Variants in LY75 observed in about 807,000 individuals in gnomAD.
The protein encoded by LY75 is C-type lectin domain family 13 member B.
A neutral mutation model predicts 231.7 loss-of-function variants in LY75; 185 were observed. The ratio of observed to expected loss-of-function variants is 0.80; its 90% CI spans 0.71 to 0.90. LY75 has a LOEUF of 0.90. Ranked by LOEUF, LY75 falls within the 40% of genes least tolerant of loss-of-function variation. The pLI is 0.00. For missense variants in LY75, 1,947 were observed against 2,050.2 expected (o/e 0.95, Z 0.97); for synonymous variants, 668 against 689.0 (o/e 0.97, Z 0.48).
intron 33 of LY75, 124 bp downstream of exon 33, chr2:159,808,325 G>A: frequency 6.5e-7 from 1 of 1,527,850 alleles, no homozygotes; most frequent in Non-Finnish European, 8.8e-7. Context: ...CAGCGACCTA[G>A]CTTATTTATC....
At chr2:159,896,360 G>A (rs1190603738) in intron 2 of LY75, among the ~76,000 whole-genome samples, 3 of 152,190 alleles carry the variant, frequency 2.0e-5, no homozygotes, top group Admixed American at 6.5e-5. Context: ...GGGGTGAGAG[G>A]CAACCCAAGG....
chr2:159,828,827 C>T (rs958271585), intron 28 of LY75, among the ~76,000 whole-genome samples: 2 of 152,228 alleles, frequency 1.3e-5, no homozygotes, highest in African/African-American at 2.4e-5. Context: ...AAAGGAATAA[C>T]GTACTGATAC....
In LY75 at chr2:159,815,434, TC is replaced by T. The variant is rs2125830727; in HGVS notation, c.4519del (p.Asp1507MetfsTer69). 6.2e-7 allele frequency: 1 copy of T among 1,611,654 alleles called. No homozygotes were observed. Among genetic ancestry groups the T allele is most frequent in the South Asian group, 1.1e-5 (1 of 90,694 alleles). Reference protein sequence around the residue: ...WKHEKCNSVKDGAICYKPTKS... With the variant: ...WKHEKCNSVKXGAICYKPTKS... Reference sequence around the variant, plus strand: ...TGTAGGTTTATAACAAATAGCACCATCCTTAACAGAGTTGCATTTTTCATGT... The same window carrying T: ...TGTAGGTTTATAACAAATAGCACCATCTTAACAGAGTTGCATTTTTCATGT... On this transcript the variant is annotated frameshift_variant, in exon 31 of 35. Coordinates refer to ENST00000263636, the MANE Select transcript of LY75 (RefSeq NM_002349.4). LOFTEE classifies it high-confidence loss of function.
intron 31 of LY75, among the ~76,000 whole-genome samples, chr2:159,812,852 C>A (rs2125829094): frequency 6.6e-6 from 1 of 152,306 alleles, no homozygotes; most frequent in East Asian, 1.9e-4. Context: ...TCCCCATATT[C>A]CCCTCCATCT....
At chr2:159,878,869 G>T in intron 9 of LY75, 148 bp from the exon 10 acceptor site, 1 of 862,402 alleles carries the variant, frequency 1.2e-6, no homozygotes, top group Non-Finnish European at 1.8e-6. Context: ...ATGAGGGTGG[G>T]ATGCAATTTC....
rs1246777364 is a variant in LY75 at position 159,840,989 on chromosome 2, C to A, written c.3281-34G>T. On this transcript the variant is annotated intron_variant, in intron 24 of 34. Transcript: ENST00000263636. The stretch of plus-strand genomic sequence containing the variant: ...AAAAGAAAACAACAACAACAACAAA[C>A]CCTTCCCCACACTCTGCAAGTTATG... 3 of 1,606,922 alleles carry A rather than the reference C, an allele frequency of 1.9e-6. No homozygotes were observed. The East Asian group carries it at 6.7e-5, about 36-fold the overall frequency.
intron 33 of LY75, chr2:159,807,836 C>T (rs1682833036): frequency 1.0e-6 from 1 of 975,792 alleles, no homozygotes; most frequent in African/African-American, 1.8e-5. Flanking sequence ...TCACCTAAAC[C>T]CTGTATCTAC....
At chr2:159,892,189 C>T (rs1294804131) in intron 3 of LY75, among the ~76,000 whole-genome samples, 2 of 152,182 alleles carry the variant, frequency 1.3e-5, no homozygotes, top group Non-Finnish European at 1.5e-5. Context: ...GATTCTGTTG[C>T]ACCCTGAAAT....
At chr2:159,887,566 C>CAAAAAAAAAAA (rs369452762) in intron 4 of LY75, among the ~76,000 whole-genome samples, 1,159 of 103,132 alleles carry the variant, frequency 0.011, no homozygotes, top group Non-Finnish European at 0.017. Flanking sequence ...TCAACAACAA[C>CAAAAAAAAAAA]AAAAAAAAAA....
At chr2:159,836,626 C>A (rs181839392) in intron 25 of LY75, among the ~76,000 whole-genome samples, 1 of 152,248 alleles carries the variant, frequency 6.6e-6, no homozygotes, top group East Asian at 1.9e-4. Flanking sequence ...AAATATGGAA[C>A]GAAGCGACAC....
At chr2:159,837,646 T>C (rs72998692) in intron 25 of LY75, among the ~76,000 whole-genome samples, 18,350 of 145,122 alleles carry the variant, frequency 0.13, 3,233 homozygotes, top group African/African-American at 0.45. Flanking sequence ...CTTAAATAAA[T>C]ACATAAATCT....
intron 13 of LY75, among the ~76,000 whole-genome samples, chr2:159,867,758 T>C (rs1346236876): frequency 6.6e-6 from 1 of 152,194 alleles, no homozygotes; most frequent in Non-Finnish European, 1.5e-5. Context: ...ACAGCAGCAA[T>C]GGCATTGCAA....
Position 159,893,003 on chromosome 2 carries a change from AC to A in LY75, c.637+910del, listed in dbSNP as rs149643773. Among the ~76,000 whole-genome samples the A allele has an allele frequency of 3.4e-3, 518 of 152,044 alleles. 3 individuals carry two copies. Among genetic ancestry groups the A allele is most frequent in the African/African-American group, 0.012 (508 of 41,468 alleles). ...TTTCAACTGATCTCTTTCTTAAACT[AC>A]CCTTTGCTTTTTTAAATAAAAAAAA... On this transcript the variant is annotated intron_variant, in intron 3 of 34. Transcript: ENST00000263636.
At chr2:159,890,168 T>A in intron 4 of LY75, 45 bp downstream of exon 4, 1 of 1,581,328 alleles carries the variant, frequency 6.3e-7, no homozygotes, top group South Asian at 1.2e-5. Flanking sequence ...GAAGTACCTT[T>A]ACAATTTTAG....
At chr2:159,830,238 G>A (rs1042504722) in intron 28 of LY75, among the ~76,000 whole-genome samples, 2 of 152,158 alleles carry the variant, frequency 1.3e-5, no homozygotes. Flanking sequence ...GAGCAAAGGA[G>A]AAGCCTATTT....
In LY75 at chr2:159,858,347, A is replaced by G; in HGVS notation, c.2383+15T>C. On this transcript the variant is annotated intron_variant, in intron 16 of 34. Transcript: ENST00000263636. Reference sequence around the variant, plus strand: ...TAACATGAGAAGGTTGTGAAAAGGAATAACTACCACTTACCTTTTGGAATT... The same window carrying G: ...TAACATGAGAAGGTTGTGAAAAGGAGTAACTACCACTTACCTTTTGGAATT... 3 of 1,611,090 alleles carry G rather than the reference A, an allele frequency of 1.9e-6. No homozygotes were observed. Among genetic ancestry groups the G allele is most frequent in the East Asian group, 2.2e-5 (1 of 44,804 alleles).
intron 25 of LY75, among the ~76,000 whole-genome samples, chr2:159,839,488 T>C (rs1321113257): frequency 1.3e-5 from 2 of 152,204 alleles, no homozygotes; most frequent in Admixed American, 6.6e-5. Flanking sequence ...GCTTGAGACA[T>C]CTATCTAGGA....
In LY75 at chr2:159,855,075, G is replaced by A. The variant is rs144345865; in HGVS notation, c.2384-136C>T. 28 of 1,084,700 alleles carry A rather than the reference G, an allele frequency of 2.6e-5. 1 individual carries two copies. The highest frequency in any genetic ancestry group is 2.5e-4 in the African/African-American group (16 of 63,256). 67.2% of individuals were successfully genotyped at this position (1,084,700 alleles called of 1,614,324 possible). A position where few individuals can be genotyped will look rare whatever the true frequency, so the allele number is the denominator to read the frequency against. ...TCCATTTCTGGCCAACCCACTTCAC[G>A]TTTTGATCACTTTAGTTGTATTTTG... On this transcript the variant is annotated intron_variant, in intron 16 of 34. Transcript: ENST00000263636.
chr2:159,876,851 C>CA (rs1347446136), intron 11 of LY75, among the ~76,000 whole-genome samples: 2 of 150,238 alleles, frequency 1.3e-5, no homozygotes, highest in Non-Finnish European at 3.0e-5. Context: ...ACTAAAAATA[C>CA]AAAAAAAATT....
Sources: gnomAD v4.1 joint callset for allele counts (sites outside exome capture counted in the v4.1 genomes callset) on GRCh38, gnomAD v4.1.1 for gene constraint, MANE v1.5 for transcripts, NCBI Gene and HGNC (gene_info 2026-07-23, HGNC 2026-07-21) for gene names.